The following ZNF469 variants were observed in gnomAD, a reference collection of about 807,000 sequenced individuals.
ZNF469 encodes zinc finger protein 469.
A neutral mutation model predicts 1.0 loss-of-function variants in ZNF469; 1 was observed. That is an observed-to-expected ratio of 1.00 (90% CI 0.35 to 4.73). The LOEUF (loss-of-function observed/expected upper bound fraction) is 4.73. ZNF469 is among the 30% of genes most tolerant of loss of function. The pLI, the probability that ZNF469 is intolerant of heterozygous loss-of-function variation, is 0.16. For missense variants in ZNF469, 6,100 were observed against 5,356.3 expected, an observed-to-expected ratio of 1.14 and a Z score of -4.33; for synonymous variants, 2,703 against 2,363.4, an observed-to-expected ratio of 1.14 and a Z score of -4.17.
At chr16:88,407,500 G>C (rs1029703761) in intron 1 of ZNF469, among the ~76,000 whole-genome samples, 4 of 152,234 alleles carry the variant, frequency 2.6e-5, no homozygotes, top group African/African-American at 9.6e-5. Flanking sequence ...AAATCACCAG[G>C]TGTCGGACAC....
the ZNF469 span, chr16:88,177,724 T>C: frequency 5.9e-5 from 9 of 152,184 alleles, no homozygotes; most frequent in African/African-American, 1.9e-4. This position sits in a 1 kb window ranked among gnomAD's most constrained non-coding sequence, Gnocchi z 4.8. Context: ...TTTTATTTTT[T>C]TGAGGCAGGG....
chr16:88,325,042 G>A, the ZNF469 span, among the ~76,000 whole-genome samples: 6 of 152,056 alleles, frequency 3.9e-5, no homozygotes, highest in Non-Finnish European at 5.9e-5. Flanking sequence ...AGAGGGAGGA[G>A]GTGCCCTTGG....
At chr16:88,414,398 C>T (rs1905252667) in intron 1 of ZNF469, among the ~76,000 whole-genome samples, 1 of 152,268 alleles carries the variant, frequency 6.6e-6, no homozygotes, top group African/African-American at 2.4e-5. Flanking sequence ...GAGGAGGCCA[C>T]AGTCTCGTTA....
At chr16:88,203,744 G>GTGTGTT in the ZNF469 span, among the ~76,000 whole-genome samples, 1 of 152,042 alleles carries the variant, frequency 6.6e-6, no homozygotes, top group Non-Finnish European at 1.5e-5. Flanking sequence ...GTGTGTGTGT[G>GTGTGTT]TGTGTATCTC....
chr16:88,347,669 C>T, the ZNF469 span, among the ~76,000 whole-genome samples: 5 of 152,336 alleles, frequency 3.3e-5, no homozygotes, highest in African/African-American at 9.6e-5. Flanking sequence ...GTGGGGAAGG[C>T]GGGGCCAGTC....
chr16:88,180,533 A>T, the ZNF469 span, among the ~76,000 whole-genome samples: 1 of 152,196 alleles, frequency 6.6e-6, no homozygotes, highest in Non-Finnish European at 1.5e-5. Flanking sequence ...GCACTTTGGG[A>T]GGCCGAGGCG....
At chr16:88,102,965 G>A in the ZNF469 span, among the ~76,000 whole-genome samples, 1 of 152,234 alleles carries the variant, frequency 6.6e-6, no homozygotes, top group South Asian at 2.1e-4. Flanking sequence ...ACTCTTCAAG[G>A]ACAGGAATCG....
At chr16:88,224,329 C>G in the ZNF469 span, among the ~76,000 whole-genome samples, 2 of 152,230 alleles carry the variant, frequency 1.3e-5, no homozygotes, top group Admixed American at 6.5e-5. Context: ...TGAGCCAGGA[C>G]ACAGCACCGC....
chr16:88,405,886 GA>G (rs1386045082), intron 1 of ZNF469, among the ~76,000 whole-genome samples: 1 of 152,214 alleles, frequency 6.6e-6, no homozygotes, highest in Non-Finnish European at 1.5e-5. Flanking sequence ...AGCAACACAA[GA>G]CGGTTCCTGC....
the ZNF469 span, among the ~76,000 whole-genome samples, chr16:88,211,618 TAGCTG>T: frequency 6.6e-5 from 10 of 152,204 alleles, no homozygotes; most frequent in South Asian, 6.2e-4. Flanking sequence ...GCAATTCACT[TAGCTG>T]AGCAGATATG....
chr16:88,402,859 G>C (rs544325193), intron 1 of ZNF469, among the ~76,000 whole-genome samples: 2 of 152,162 alleles, frequency 1.3e-5, no homozygotes, highest in African/African-American at 4.8e-5. Flanking sequence ...CTGGGGCAGC[G>C]GTTGGCCCAG....
the ZNF469 span, among the ~76,000 whole-genome samples, chr16:88,305,049 A>G: frequency 2.0e-5 from 3 of 152,190 alleles, no homozygotes; most frequent in Non-Finnish European, 2.9e-5. Context: ...AGCTGGAGAC[A>G]GGGCAGCATC....
chr16:88,218,719 G>A, the ZNF469 span, among the ~76,000 whole-genome samples: 1 of 151,758 alleles, frequency 6.6e-6, no homozygotes, highest in East Asian at 1.9e-4. Flanking sequence ...AGACAGGGAT[G>A]CCCTCTCTCA....
intron 1 of ZNF469, among the ~76,000 whole-genome samples, chr16:88,399,193 T>C (rs2142272231): frequency 1.3e-5 from 2 of 152,302 alleles, no homozygotes; most frequent in East Asian, 3.9e-4. Flanking sequence ...TGTGTTTGCC[T>C]GGCAGTCATC....
the ZNF469 span, among the ~76,000 whole-genome samples, chr16:88,245,278 G>A: frequency 6.6e-6 from 1 of 152,252 alleles, no homozygotes; most frequent in Non-Finnish European, 1.5e-5. Flanking sequence ...TTCGGGCTAT[G>A]AGGATGATTA....
At chr16:88,272,054 A>C in the ZNF469 span, among the ~76,000 whole-genome samples, 1 of 151,608 alleles carries the variant, frequency 6.6e-6, no homozygotes, top group African/African-American at 2.4e-5. Context: ...ACTGGGGATA[A>C]ATAGGTGGGT....
chr16:88,106,040 T>C, the ZNF469 span, among the ~76,000 whole-genome samples: 3 of 152,296 alleles, frequency 2.0e-5, no homozygotes, highest in East Asian at 5.8e-4. Flanking sequence ...GCCTCCTGGG[T>C]CAGCCACCTC....
chr16:88,184,914 CAA>C, the ZNF469 span, among the ~76,000 whole-genome samples: 3 of 152,184 alleles, frequency 2.0e-5, no homozygotes, highest in African/African-American at 7.2e-5. Context: ...CACACTCACA[CAA>C]TAGGCTGTTA....
At chr16:88,330,623 C>T in the ZNF469 span, among the ~76,000 whole-genome samples, 5 of 152,204 alleles carry the variant, frequency 3.3e-5, no homozygotes, top group Admixed American at 2.6e-4. Context: ...TGGCTTGCCA[C>T]GTGTAGAGGC....
Sources: allele counts gnomAD v4.1 joint callset (sites outside exome capture counted in the v4.1 genomes callset), GRCh38; gene constraint gnomAD v4.1.1; non-coding constraint Gnocchi (gnomAD v3.1); transcripts MANE v1.5; gene names NCBI Gene and HGNC (gene_info 2026-07-23, HGNC 2026-07-21).